Variants in SYT1 observed in about 807,000 individuals in gnomAD.
SYT1 encodes the protein synaptotagmin 1.
In SYT1, 8 loss-of-function variants were observed where a neutral mutation model predicts 44.8. The ratio of observed to expected loss-of-function variants is 0.18; its 90% CI spans 0.10 to 0.32. SYT1 has a LOEUF of 0.32. SYT1 is among the 10% of genes least tolerant of loss of function. The pLI, the probability that SYT1 is intolerant of heterozygous loss-of-function variation, is 1.00. For synonymous variants in SYT1, 154 were observed against 188.8 expected, an observed-to-expected ratio of 0.82 and a Z score of 1.51; for missense variants, 286 against 509.3, an observed-to-expected ratio of 0.56 and a Z score of 4.22.
At chr12:79,040,841 T>G (rs1565776431) in intron 2 of SYT1, among the ~76,000 whole-genome samples, 1 of 150,972 alleles carries the variant, frequency 6.6e-6, no homozygotes, top group Non-Finnish European at 1.5e-5. Context: ...TTTCTACATA[T>G]GGCTAGCCAG....
In SYT1 at chr12:79,308,612, AAAAGAAAGAAAGAAAGAAAGAAAG is replaced by A. The variant is rs199999817; in HGVS notation, c.810+9085_810+9108del. Among the ~76,000 whole-genome samples, 242 of 134,320 alleles carry A rather than the reference AAAAGAAAGAAAGAAAGAAAGAAAG, an allele frequency of 1.8e-3. 1 individual carries two copies. The highest frequency in any genetic ancestry group is 5.4e-3 in the African/African-American group (190 of 35,274). The allele number at this position is 134,320 out of a possible 152,430, so 88.1% of individuals were successfully genotyped here. ...GAAAGAAGAAAGAAAGAAAGAAAGA[AAAAGAAAGAAAGAAAGAAAGAAAG>A]AAAGAAAGAAAGAAAGAAAGAAAAG... On this transcript the variant is annotated intron_variant, in intron 8 of 10. Coordinates refer to ENST00000261205, the MANE Select transcript of SYT1 (RefSeq NM_005639.3).
chr12:79,167,480 T>A (rs78349592), intron 3 of SYT1, among the ~76,000 whole-genome samples: 1,756 of 152,092 alleles, frequency 0.012, 41 homozygotes, highest in Admixed American at 0.064. Context: ...AATGTAAATG[T>A]TTACTTCTAT....
At chr12:79,288,320 G>A (rs1592932918) in intron 5 of SYT1, among the ~76,000 whole-genome samples, 1 of 152,190 alleles carries the variant, frequency 6.6e-6, no homozygotes, top group East Asian at 1.9e-4. Context: ...TCAGCAGAAT[G>A]TTGAAGTGAA....
chr12:78,943,163 T>G (rs1264566172), intron 1 of SYT1, among the ~76,000 whole-genome samples: 3 of 152,214 alleles, frequency 2.0e-5, no homozygotes, highest in Non-Finnish European at 4.4e-5. Context: ...CATCTATTAC[T>G]TCTTTTATCC....
In SYT1 at chr12:79,044,289, C is replaced by A. The variant is rs1366593277; in HGVS notation, c.-83-3008C>A. 2.6e-5 allele frequency among the ~76,000 whole-genome samples: 4 copies of A among 152,186 alleles called. No homozygotes were observed. The East Asian group carries it at 7.7e-4, about 29-fold the overall frequency. Reference sequence around the variant, plus strand: ...CAGTCAGACGTAGACTTGGTCTTTTCACATAGTCCCATATTTCTTGGAAGC... The same window carrying A: ...CAGTCAGACGTAGACTTGGTCTTTTAACATAGTCCCATATTTCTTGGAAGC... On this transcript the variant is annotated intron_variant, in intron 2 of 10. Coordinates refer to ENST00000261205, the MANE Select transcript of SYT1 (RefSeq NM_005639.3).
chr12:79,230,816 A>G (rs755376976), intron 4 of SYT1, among the ~76,000 whole-genome samples: 1 of 152,234 alleles, frequency 6.6e-6, no homozygotes, highest in Non-Finnish European at 1.5e-5. Context: ...GCTACATTCC[A>G]TTAGCATTTC....
intron 8 of SYT1, among the ~76,000 whole-genome samples, chr12:79,309,208 G>A (rs544385377): frequency 5.1e-4 from 78 of 152,188 alleles, no homozygotes; most frequent in African/African-American, 1.8e-3. Flanking sequence ...AAAAGGGCAT[G>A]TACTCCAAAA....
intron 8 of SYT1, among the ~76,000 whole-genome samples, chr12:79,327,126 G>T (rs1881642356): frequency 6.6e-6 from 1 of 151,476 alleles, no homozygotes; most frequent in African/African-American, 2.4e-5. Flanking sequence ...GACAATTTAG[G>T]CAACATCCCA....
intron 2 of SYT1, among the ~76,000 whole-genome samples, chr12:79,003,219 G>A (rs1310828145): frequency 6.6e-6 from 1 of 151,776 alleles, no homozygotes; most frequent in Non-Finnish European, 1.5e-5. Context: ...CCAGTGATTG[G>A]TATCTAGAAA....
intron 3 of SYT1, among the ~76,000 whole-genome samples, chr12:79,191,900 A>G (rs1873153227): frequency 6.6e-6 from 1 of 152,094 alleles, no homozygotes; most frequent in Admixed American, 6.6e-5. Context: ...AGTAGCCATA[A>G]CCGTGCAGAA....
At chr12:79,157,059 G>T (rs1388256974) in intron 3 of SYT1, among the ~76,000 whole-genome samples, 1 of 152,088 alleles carries the variant, frequency 6.6e-6, no homozygotes, top group Non-Finnish European at 1.5e-5. Flanking sequence ...GTGCAGAGAA[G>T]AGGAACTTGT....
At chr12:79,434,613 A>T (rs923686254) in intron 9 of SYT1, among the ~76,000 whole-genome samples, 2 of 152,078 alleles carry the variant, frequency 1.3e-5, no homozygotes, top group Admixed American at 6.6e-5. Flanking sequence ...TGGCAAAGAA[A>T]CTCTGAATGT....
intron 3 of SYT1, among the ~76,000 whole-genome samples, chr12:79,047,735 T>G (rs1049350376): frequency 1.3e-5 from 2 of 151,922 alleles, no homozygotes; most frequent in African/African-American, 2.4e-5. Context: ...TGAACAAAAT[T>G]TTAAATACTA....
intron 1 of SYT1, among the ~76,000 whole-genome samples, chr12:78,961,431 T>C (rs1480222110): frequency 6.6e-6 from 1 of 152,122 alleles, no homozygotes; most frequent in Non-Finnish European, 1.5e-5. Context: ...TAAATAGTTC[T>C]TACCCTCTTA....
intron 4 of SYT1, among the ~76,000 whole-genome samples, chr12:79,245,606 G>C (rs1876804911): frequency 6.7e-6 from 1 of 149,426 alleles, no homozygotes; most frequent in Non-Finnish European, 1.5e-5. Context: ...AGAAAAAAAA[G>C]AAAAAGAACA....
At chr12:78,879,594 T>C (rs1325696886) in intron 1 of SYT1, among the ~76,000 whole-genome samples, 1 of 151,808 alleles carries the variant, frequency 6.6e-6, no homozygotes, top group Non-Finnish European at 1.5e-5. Flanking sequence ...ACTTGTTTCA[T>C]ATGTCTCTCA....
chr12:79,223,952 T>G (rs1461347288), intron 4 of SYT1, among the ~76,000 whole-genome samples: 2 of 152,238 alleles, frequency 1.3e-5, no homozygotes, highest in African/African-American at 2.4e-5. Flanking sequence ...TGCCTGGGGC[T>G]AGGGAAAGAG....
intron 4 of SYT1, among the ~76,000 whole-genome samples, chr12:79,239,078 T>C (rs559752665): frequency 2.1e-4 from 32 of 152,358 alleles, no homozygotes; most frequent in Non-Finnish European, 3.7e-4. Context: ...ACTGCTCCTA[T>C]ACAGCAGGCA....
chr12:79,447,589 C>T (rs1009899417), intron 10 of SYT1, among the ~76,000 whole-genome samples: 1 of 152,050 alleles, frequency 6.6e-6, no homozygotes, highest in African/African-American at 2.4e-5. Flanking sequence ...GTGTCATGTC[C>T]CCCACCCCAT....
Sources: allele counts gnomAD v4.1 joint callset (sites outside exome capture counted in the v4.1 genomes callset), GRCh38; gene constraint gnomAD v4.1.1; transcripts MANE v1.5; gene names NCBI Gene and HGNC (gene_info 2026-07-23, HGNC 2026-07-21).